The following LYST variants were observed in gnomAD, a reference collection of about 807,000 sequenced individuals.
LYST encodes the protein lysosomal-trafficking regulator.
A neutral mutation model predicts 413.6 loss-of-function variants in LYST; 192 were observed. The observed-to-expected ratio is 0.46, with a 90% CI of 0.41 to 0.52. LYST has a LOEUF of 0.52. Among genes scored for constraint, LYST ranks in the 20% least tolerant of loss-of-function variants. The pLI, the probability that LYST is intolerant of heterozygous loss-of-function variation, is 0.00. For missense variants in LYST, 3,815 were observed against 4,499.9 expected (o/e 0.85, Z 4.35); for synonymous variants, 1,525 against 1,567.3 (o/e 0.97, Z 0.64).
At chr1:235,845,670 C>A (rs936139441) in intron 1 of LYST, among the ~76,000 whole-genome samples, 1 of 152,030 alleles carries the variant, frequency 6.6e-6, no homozygotes, top group Admixed American at 6.5e-5. Flanking sequence ...GTGAGAGTGG[C>A]CCTTCTGTTT....
intron 46 of LYST, 125 bp from the exon 47 acceptor site, chr1:235,693,611 C>T (rs1660850589): frequency 1.0e-6 from 1 of 967,996 alleles, no homozygotes; most frequent in Non-Finnish European, 1.6e-6. Flanking sequence ...GCAAGACCAT[C>T]TTTAAATCTC....
In LYST at chr1:235,716,723, C is replaced by G. The variant is rs746911004; in HGVS notation, c.9616G>C (p.Asp3206His). The G allele has an allele frequency of 1.6e-5, 25 of 1,590,600 alleles. No homozygotes were observed. The highest frequency in any genetic ancestry group is 3.3e-4 in the Middle Eastern group (2 of 6,010). The change falls in exon 41 of 53, where the codon GAC becomes CAC. Residue 3206 changes from aspartate to histidine, a missense_variant. Around this residue, in one of 4 missense-constraint regions of LYST, gnomAD observed 866 missense variants for 1,156.0 expected, o/e 0.75. Transcript: ENST00000389793. ...QYKEKEDRYV[D>H]TYKYLEEEYR... ...AAAACAAAAGCTACCTTGTATGTGT[C>G]CACATAACGATCTTCTTTTTCTTTA...
intron 1 of LYST, among the ~76,000 whole-genome samples, chr1:235,863,087 G>A (rs1466554820): frequency 6.6e-6 from 1 of 151,934 alleles, no homozygotes; most frequent in Non-Finnish European, 1.5e-5. Flanking sequence ...TAACATTTTA[G>A]GGCTTAAAAA....
At chr1:235,821,014 T>C (rs2102950753) in intron 3 of LYST, among the ~76,000 whole-genome samples, 1 of 152,352 alleles carries the variant, frequency 6.6e-6, no homozygotes, top group East Asian at 1.9e-4. Flanking sequence ...GTATTTTTAT[T>C]TCTCCATCTT....
At chr1:235,855,857 C>T (rs1679117137) in intron 1 of LYST, among the ~76,000 whole-genome samples, 1 of 151,956 alleles carries the variant, frequency 6.6e-6, no homozygotes, top group African/African-American at 2.4e-5. Flanking sequence ...ATTAGCTTCC[C>T]TTCAAAAGAA....
At chr1:235,769,207 T>C (rs1668425701) in intron 20 of LYST, among the ~76,000 whole-genome samples, 1 of 151,954 alleles carries the variant, frequency 6.6e-6, no homozygotes, top group South Asian at 2.1e-4. Context: ...GGAGGATAAG[T>C]AGGAGTTGGC....
Position 235,809,396 on chromosome 1 carries a change from A to G in LYST, c.1422T>C (p.Asn474=), listed in dbSNP as rs1673209212. The change falls in exon 5 of 53, where the codon AAT becomes AAC. Residue 474 remains asparagine, a synonymous_variant. Transcript: ENST00000389793. This position sits in a 1 kb window ranked among gnomAD's most constrained non-coding sequence, Gnocchi z 4.0. ...EASEHLKALI[N]SVMKIMSTVK... is the part of the protein sequence containing the mutation. ...CAGTGCTCATTATTTTCATCACACT[A>G]TTTATTAGGGCTTTCAAATGCTCTG... 1.2e-6 allele frequency: 2 copies of G among 1,613,902 alleles called. No homozygotes were observed. The highest frequency in any genetic ancestry group is 1.1e-5 in the South Asian group (1 of 91,080).
intron 17 of LYST, among the ~76,000 whole-genome samples, chr1:235,776,237 A>C (rs933663703): frequency 2.0e-5 from 3 of 152,208 alleles, no homozygotes; most frequent in Non-Finnish European, 2.9e-5. Flanking sequence ...AAGAAAAGAC[A>C]GATTACAGAG....
chr1:235,813,716 A>G (rs1483604319), intron 3 of LYST, among the ~76,000 whole-genome samples: 1 of 152,246 alleles, frequency 6.6e-6, no homozygotes, highest in Admixed American at 6.5e-5. Context: ...GTAAGTATCC[A>G]GGGGTGGTAG....
intron 16 of LYST, 76 bp from the exon 17 acceptor site, chr1:235,777,384 C>T: frequency 7.7e-7 from 1 of 1,298,748 alleles, no homozygotes; most frequent in Non-Finnish European, 1.1e-6. Flanking sequence ...GTAAGTATTT[C>T]AAAGTGAAAA....
At position 235,731,182 on chromosome 1, in the gene LYST, A is replaced by G; in HGVS notation, c.8802-5T>C. On this transcript the variant is annotated splice_region_variant and splice_polypyrimidine_tract_variant and intron_variant, in intron 34 of 52. Coordinates refer to ENST00000389793, the MANE Select transcript of LYST (RefSeq NM_000081.4). ...ATGGGGTCATACCATACTGCTCTGCAAGTAAAAAGATTAAAGGGTGTTTTA... is the reference window on the plus strand; with the variant it reads ...ATGGGGTCATACCATACTGCTCTGCGAGTAAAAAGATTAAAGGGTGTTTTA... 4 of 1,614,020 alleles carry G rather than the reference A, an allele frequency of 2.5e-6. No individual in the cohort carries two copies. Among genetic ancestry groups the G allele is most frequent in the Non-Finnish European group, 2.5e-6 (3 of 1,179,882 alleles).
intron 15 of LYST, 122 bp downstream of exon 15, chr1:235,781,805 A>G: frequency 1.4e-6 from 1 of 695,120 alleles, no homozygotes; most frequent in South Asian, 1.6e-5. Context: ...TATTTTAGCC[A>G]GGTTAATTTA....
At chr1:235,842,548 A>G (rs1202923375) in intron 1 of LYST, among the ~76,000 whole-genome samples, 1 of 152,248 alleles carries the variant, frequency 6.6e-6, no homozygotes, top group Non-Finnish European at 1.5e-5. Flanking sequence ...AATCTCTAGC[A>G]TCTAGAACAG....
At chr1:235,685,231 A>G (rs952280724) in intron 48 of LYST, among the ~76,000 whole-genome samples, 1 of 151,754 alleles carries the variant, frequency 6.6e-6, no homozygotes, top group Non-Finnish European at 1.5e-5. Context: ...GTGGTCCTCT[A>G]TCCTGGGTGT....
At chr1:235,670,380 C>T (rs1214081056) in intron 50 of LYST, among the ~76,000 whole-genome samples, 2 of 152,184 alleles carry the variant, frequency 1.3e-5, no homozygotes, top group African/African-American at 4.8e-5. Context: ...GTAAATGTGC[C>T]TTGCTGAGAA....
chr1:235,858,477 C>G (rs1198637020), intron 1 of LYST, among the ~76,000 whole-genome samples: 1 of 152,192 alleles, frequency 6.6e-6, no homozygotes, highest in Non-Finnish European at 1.5e-5. Flanking sequence ...TCACCTGAAA[C>G]TGCTAACTCC....
chr1:235,842,257 C>G (rs1283656669), intron 1 of LYST, among the ~76,000 whole-genome samples: 1 of 151,900 alleles, frequency 6.6e-6, no homozygotes, highest in East Asian at 1.9e-4. Context: ...GATAGACAAG[C>G]AGAAAATCCA....
In LYST at chr1:235,757,423, C is replaced by A. The variant is rs562790451; in HGVS notation, c.6917G>T (p.Gly2306Val). The A allele has an allele frequency of 1.2e-6, 2 of 1,613,522 alleles. No homozygotes were observed. Among genetic ancestry groups the A allele is most frequent in the East Asian group, 2.2e-5 (1 of 44,800 alleles). The change falls in exon 24 of 53, where the codon GGA becomes GTA. Residue 2306 changes from glycine (G) to valine (V), a missense_variant. Transcript: ENST00000389793. ...TEDCLVPICC[G>V]LYELLSGVLL... ...AACCCCACTTAGGAGTTCATATAAT[C>A]CACAGCATATAGGTACCAAACAGTC... is the stretch of plus-strand genomic sequence containing the variant.
chr1:235,754,020 A>G (rs1666741781), intron 25 of LYST, among the ~76,000 whole-genome samples: 1 of 152,002 alleles, frequency 6.6e-6, no homozygotes, highest in Non-Finnish European at 1.5e-5. Context: ...GGAGAAAAAT[A>G]TTCTTTTATT....
Sources: gnomAD v4.1 joint callset for allele counts (sites outside exome capture counted in the v4.1 genomes callset) on GRCh38, gnomAD v4.1.1 for gene constraint, gnomAD v4.1.1 regional missense constraint, Gnocchi (gnomAD v3.1) non-coding constraint, MANE v1.5 for transcripts, NCBI Gene and HGNC (gene_info 2026-07-23, HGNC 2026-07-21) for gene names.